The following IL12RB1 variants were observed in gnomAD, a reference collection of about 807,000 sequenced individuals.
IL12RB1 encodes the protein interleukin-12 receptor subunit beta-1.
A neutral mutation model predicts 94.4 loss-of-function variants in IL12RB1; 64 were observed. The ratio of observed to expected loss-of-function variants is 0.68; its 90% CI spans 0.55 to 0.83. The LOEUF is 0.83. Among genes scored for constraint, IL12RB1 ranks in the 40% least tolerant of loss-of-function variants. The pLI is 0.00. For synonymous variants in IL12RB1, 362 were observed against 355.5 expected, an observed-to-expected ratio of 1.02 and a Z score of -0.21; for missense variants, 814 against 855.6, an observed-to-expected ratio of 0.95 and a Z score of 0.61.
intron 3 of IL12RB1, 83 bp downstream of exon 3, chr19:18,082,067 A>C (rs2035950848): frequency 4.9e-6 from 4 of 814,282 alleles, no homozygotes; most frequent in East Asian, 2.6e-5. Context: ...AAGATCACGC[A>C]TCCGAGAGTA....
chr19:18,089,639 A>T (rs2036544302), upstream of IL12RB1, among the ~76,000 whole-genome samples: 1 of 151,830 alleles, frequency 6.6e-6, no homozygotes. Flanking sequence ...AAAAAAAAAA[A>T]GATGAATTTT....
In IL12RB1 at chr19:18,071,693, A is replaced by T. The variant is rs369874077; in HGVS notation, c.1021+419T>A. Among the ~76,000 whole-genome samples, 7 of 151,680 alleles carry T rather than the reference A, an allele frequency of 4.6e-5. No homozygotes were observed. In the East Asian group the frequency reaches 9.7e-4, roughly 21 times the overall value. Reference sequence around the variant, plus strand: ...GATTATTGAATTTTTTTTTTTTGACACAGTCTTGCTCTTTGTTGCCCAGGC... The same window carrying T: ...GATTATTGAATTTTTTTTTTTTGACTCAGTCTTGCTCTTTGTTGCCCAGGC... On this transcript the variant is annotated intron_variant, in intron 9 of 16. Transcript: ENST00000593993.
At chr19:18,070,503 A>G (rs942337939) in intron 9 of IL12RB1, 1 of 984,064 alleles carries the variant, frequency 1.0e-6, no homozygotes, top group Non-Finnish European at 1.2e-6. Context: ...AATCTCTCCC[A>G]CTCCCTCCCG....
intron 2 of IL12RB1, 51 bp downstream of exon 2, chr19:18,083,381 C>A (rs754420266): frequency 6.4e-7 from 1 of 1,553,946 alleles, no homozygotes; most frequent in Non-Finnish European, 8.9e-7. Context: ...TGGATGGGGT[C>A]AGGCAGAGCC....
chr19:18,071,542 T>C lies in IL12RB1; in HGVS notation c.1021+570A>G, dbSNP rs189641297. 2.3e-4 allele frequency among the ~76,000 whole-genome samples: 35 copies of C among 152,210 alleles called. 1 individual carries two copies. The East Asian group carries it at 5.8e-3, about 25-fold the overall frequency. ...TGGCACATGCCTATATTCCCAGCTA[T>C]TTGGGAGGCTGAGGGAGAAAGATTG... On this transcript the variant is annotated intron_variant, in intron 9 of 16. Coordinates refer to ENST00000593993, the MANE Select transcript of IL12RB1 (RefSeq NM_005535.3).
intron 15 of IL12RB1, among the ~76,000 whole-genome samples, chr19:18,060,547 T>C (rs996541195): frequency 6.6e-6 from 1 of 152,036 alleles, no homozygotes; most frequent in African/African-American, 2.4e-5. Flanking sequence ...GGAAGAGCAC[T>C]CCCATCTGTC....
At chr19:18,072,423 A>C in intron 8 of IL12RB1, 74 bp from the exon 9 acceptor site, 1 of 940,124 alleles carries the variant, frequency 1.1e-6, no homozygotes, top group South Asian at 1.3e-5. Context: ...AGCAGGGCAC[A>C]GCCTATGAAG....
At chr19:18,075,694 G>C in intron 7 of IL12RB1, 55 bp downstream of exon 7, 1 of 1,528,624 alleles carries the variant, frequency 6.5e-7, no homozygotes. Flanking sequence ...ACCACCTCCG[G>C]CTGTTGCCTT....
intron 9 of IL12RB1, among the ~76,000 whole-genome samples, chr19:18,070,389 G>A (rs1458211939): frequency 1.3e-5 from 2 of 152,252 alleles, no homozygotes; most frequent in African/African-American, 2.4e-5. Flanking sequence ...TAGCCTAGGC[G>A]GAGAGTGTGA....
At chr19:18,097,365 G>GT (rs2037034972) in intron 1 of IL12RB1, among the ~76,000 whole-genome samples, 1 of 151,614 alleles carries the variant, frequency 6.6e-6, no homozygotes, top group African/African-American at 2.4e-5. Context: ...GTTTTGTTTT[G>GT]GTTTTTTTTG....
intron 12 of IL12RB1, among the ~76,000 whole-genome samples, chr19:18,066,111 G>A (rs369890842): frequency 4.7e-5 from 7 of 149,712 alleles, no homozygotes; most frequent in African/African-American, 1.2e-4. Flanking sequence ...GTTTGTTTTC[G>A]TTTTTGTTTT....
chr19:18,059,256 C>G lies in IL12RB1; in HGVS notation c.*352G>C, dbSNP rs1405157354. On this transcript the variant is annotated 3_prime_UTR_variant, in exon 17 of 17. Transcript: ENST00000593993. ...AAGACCCCGCAATGCTGCAGGGAGC[C>G]CTTGAGTCCAGACTCCCCATCCAGT... 3 of 400,574 alleles carry G rather than the reference C, an allele frequency of 7.5e-6. No individual in the cohort carries two copies. Among genetic ancestry groups the G allele is most frequent in the Non-Finnish European group, 1.4e-5 (3 of 214,934 alleles). 24.8% of individuals were successfully genotyped at this position (400,574 alleles called of 1,614,324 possible). A position where few individuals can be genotyped will look rare whatever the true frequency, so the allele number is the denominator to read the frequency against.
At chr19:18,096,772 G>A (rs1218113874) in intron 1 of IL12RB1, among the ~76,000 whole-genome samples, 1 of 151,312 alleles carries the variant, frequency 6.6e-6, no homozygotes, top group Non-Finnish European at 1.5e-5. Flanking sequence ...GGAGGCAGGG[G>A]TTGCCGAGAT....
intron 1 of IL12RB1, among the ~76,000 whole-genome samples, chr19:18,086,042 G>T (rs535506188): frequency 6.6e-6 from 1 of 151,852 alleles, no homozygotes; most frequent in Non-Finnish European, 1.5e-5. Flanking sequence ...ACAGCGAGAC[G>T]CTGTCTCTGT....
chr19:18,087,655 A>G (rs1314242634), upstream of IL12RB1, among the ~76,000 whole-genome samples: 3 of 150,968 alleles, frequency 2.0e-5, no homozygotes, highest in Non-Finnish European at 4.4e-5. Context: ...AACTGGGACT[A>G]CAGGCATGCA....
At chr19:18,074,983 C>T (rs1206240037) in intron 7 of IL12RB1, among the ~76,000 whole-genome samples, 1 of 151,192 alleles carries the variant, frequency 6.6e-6, no homozygotes, top group Non-Finnish European at 1.5e-5. Context: ...ACCCGGGAGG[C>T]GGAGCTTGCA....
In IL12RB1 at chr19:18,082,275, T is replaced by A; in HGVS notation, c.125-11A>T. On this transcript the variant is annotated splice_polypyrimidine_tract_variant and intron_variant, in intron 2 of 16. Coordinates refer to ENST00000593993, the MANE Select transcript of IL12RB1 (RefSeq NM_005535.3). ...GGCCCGAGGCCGAGCCTGGAAGAGA[T>A]CCTGTAGGCTTGGGAACAGACCAGA... is the stretch of plus-strand genomic sequence containing the variant. 6.5e-7 allele frequency: 1 copy of A among 1,542,292 alleles called. No individual in the cohort carries two copies. Among genetic ancestry groups the A allele is most frequent in the Non-Finnish European group, 8.9e-7 (1 of 1,118,224 alleles).
At chr19:18,088,404 T>TATATATATATATATATATATATATAA (rs1038225227), upstream of IL12RB1, among the ~76,000 whole-genome samples, 177 of 137,754 alleles carry the variant, frequency 1.3e-3, 2 homozygotes, top group East Asian at 4.0e-3. Context: ...TATATATATA[T>TATATATATATATATATATATATATAA]AAATTAAAAG....
intron 6 of IL12RB1, 99 bp from the exon 7 acceptor site, chr19:18,075,967 A>T: frequency 8.3e-7 from 1 of 1,205,518 alleles, no homozygotes; most frequent in Non-Finnish European, 1.2e-6. Flanking sequence ...AACTGTGTAC[A>T]GAGCCACGTG....
Sources: gnomAD v4.1 joint callset for allele counts (sites outside exome capture counted in the v4.1 genomes callset) on GRCh38, gnomAD v4.1.1 for gene constraint, MANE v1.5 for transcripts, NCBI Gene and HGNC (gene_info 2026-07-23, HGNC 2026-07-21) for gene names.